KALRN: variants seen among roughly 807,000 people sequenced by gnomAD.
KALRN encodes kalirin RhoGEF kinase, also known as kalirin.
A neutral mutation model predicts 353.7 loss-of-function variants in KALRN; 70 were observed. That is an observed-to-expected ratio of 0.20 (90% confidence interval 0.16 to 0.24). The LOEUF (loss-of-function observed/expected upper bound fraction) is 0.24. Among genes scored for constraint, KALRN ranks in the 10% least tolerant of loss-of-function variants. The pLI is 1.00. For missense variants in KALRN, 2,791 were observed against 3,756.7 expected (o/e 0.74, Z 6.72); for synonymous variants, 1,391 against 1,434.8 (o/e 0.97, Z 0.69).
chr3:124,658,631 TG>T (rs1300604213), intron 42 of KALRN, 114 bp downstream of exon 42: 1 of 781,494 alleles, frequency 1.3e-6, no homozygotes, highest in Non-Finnish European at 2.3e-6. Context: ...ACAGCACCGT[TG>T]ACCCATTCAT....
chr3:124,087,386 A>G (rs1437711316), intron 1 of KALRN, among the ~76,000 whole-genome samples: 1 of 152,174 alleles, frequency 6.6e-6, no homozygotes, highest in Non-Finnish European at 1.5e-5. Context: ...CCATCTTCAG[A>G]ATTCTAAGAG....
intron 28 of KALRN, among the ~76,000 whole-genome samples, chr3:124,484,994 G>A (rs915852938): frequency 6.6e-6 from 1 of 152,116 alleles, no homozygotes; most frequent in Admixed American, 6.5e-5. Context: ...TACTCAGGAG[G>A]CTGAGGCATG....
At chr3:124,516,647 A>AAAC (rs1365310451) in intron 33 of KALRN, among the ~76,000 whole-genome samples, 28 of 151,872 alleles carry the variant, frequency 1.8e-4, no homozygotes, top group African/African-American at 6.3e-4. Flanking sequence ...AAAAAAAAAA[A>AAAC]AAAAAAAACC....
chr3:124,566,153 A>C (rs2072787808), intron 34 of KALRN, among the ~76,000 whole-genome samples: 1 of 152,146 alleles, frequency 6.6e-6, no homozygotes, highest in Admixed American at 6.5e-5. Context: ...AGGTCTTACT[A>C]TCTTCTCACC....
At chr3:124,596,989 A>C (rs947363816) in intron 34 of KALRN, among the ~76,000 whole-genome samples, 5 of 152,172 alleles carry the variant, frequency 3.3e-5, no homozygotes, top group Non-Finnish European at 5.9e-5. Flanking sequence ...CGGAGGTTGC[A>C]GTGAGCCAAG....
At chr3:124,477,553 G>C (rs2061545587) in intron 27 of KALRN, among the ~76,000 whole-genome samples, 4 of 152,138 alleles carry the variant, frequency 2.6e-5, no homozygotes, top group Non-Finnish European at 5.9e-5. Context: ...AGGCAAATTT[G>C]TCTCCATGCC....
intron 10 of KALRN, among the ~76,000 whole-genome samples, chr3:124,364,934 A>C (rs764100573): frequency 3.3e-5 from 5 of 152,156 alleles, no homozygotes. Context: ...TTCCTAGTAG[A>C]CTACTCTTTG....
chr3:124,433,843 G>A (rs945302317), intron 16 of KALRN, among the ~76,000 whole-genome samples: 3 of 152,154 alleles, frequency 2.0e-5, no homozygotes, highest in African/African-American at 4.8e-5. Context: ...TGATTGCATT[G>A]TTAGCTGAGA....
At chr3:124,389,054 C>A (rs1008331146) in intron 11 of KALRN, among the ~76,000 whole-genome samples, 6 of 152,158 alleles carry the variant, frequency 3.9e-5, no homozygotes, top group African/African-American at 1.4e-4. Flanking sequence ...AAAATCTGCT[C>A]AACTTTTGCT....
At chr3:124,555,811 T>C (rs908099076) in intron 33 of KALRN, among the ~76,000 whole-genome samples, 1 of 152,172 alleles carries the variant, frequency 6.6e-6, no homozygotes, top group African/African-American at 2.4e-5. Flanking sequence ...ACTCGGGAGA[T>C]AGGACCATGA....
intron 28 of KALRN, among the ~76,000 whole-genome samples, chr3:124,484,314 G>T (rs1178519795): frequency 6.6e-6 from 1 of 152,182 alleles, no homozygotes; most frequent in Non-Finnish European, 1.5e-5. Context: ...TGTCCTCTGA[G>T]TCAGAGTGGG....
intron 1 of KALRN, among the ~76,000 whole-genome samples, chr3:124,041,025 C>G (rs1323475447): frequency 1.3e-5 from 2 of 152,060 alleles, no homozygotes; most frequent in African/African-American, 4.8e-5. Flanking sequence ...AAATATTTAT[C>G]AAGTGTTTAC....
chr3:124,038,973 G>C (rs2039686112), intron 1 of KALRN, among the ~76,000 whole-genome samples: 1 of 152,228 alleles, frequency 6.6e-6, no homozygotes, highest in Non-Finnish European at 1.5e-5. Flanking sequence ...TGCCCCCATG[G>C]ACTCCTTTCC....
chr3:124,340,384 A>G (rs1403374179), intron 9 of KALRN, among the ~76,000 whole-genome samples: 2 of 151,908 alleles, frequency 1.3e-5, no homozygotes, highest in Non-Finnish European at 2.9e-5. Context: ...CTAGCTGGGT[A>G]TTGTGGTGTG....
At chr3:124,194,305 G>A (rs1235398701) in intron 1 of KALRN, among the ~76,000 whole-genome samples, 1 of 152,326 alleles carries the variant, frequency 6.6e-6, no homozygotes, top group South Asian at 2.1e-4. Flanking sequence ...TGAACCATGG[G>A]CAGGATTCTG....
intron 1 of KALRN, among the ~76,000 whole-genome samples, chr3:124,160,437 A>G (rs1475803568): frequency 1.3e-5 from 2 of 152,154 alleles, no homozygotes; most frequent in Non-Finnish European, 2.9e-5. Context: ...GGTGATGGGG[A>G]GTGTACTGTG....
chr3:124,642,001 G>A (rs1312806194), intron 37 of KALRN, among the ~76,000 whole-genome samples: 1 of 152,160 alleles, frequency 6.6e-6, no homozygotes, highest in Admixed American at 6.5e-5. Flanking sequence ...AAGCCCCTAG[G>A]CCAAGTGTGG....
In KALRN at chr3:124,347,583, C is replaced by T. The variant is rs75187817; in HGVS notation, c.1770+318C>T. 0.01 allele frequency among the ~76,000 whole-genome samples: 1,541 copies of T among 152,178 alleles called. 58 individuals are homozygous for T. In the East Asian group the frequency reaches 0.13, roughly 12 times the overall value. On this transcript the variant is annotated intron_variant, in intron 10 of 59. Transcript: ENST00000682506. ...ATGGTCTTTGAAAAAGATCTTCCTG[C>T]TGGTGTGATCTAAAAATGCCTTGTC...
intron 31 of KALRN, 164 bp downstream of exon 31, chr3:124,491,588 A>C: frequency 2.1e-6 from 1 of 466,676 alleles, no homozygotes; most frequent in Non-Finnish European, 3.8e-6. Flanking sequence ...TCTATCATGA[A>C]AGTAGACCCA....
Sources: gnomAD v4.1 joint callset for allele counts (sites outside exome capture counted in the v4.1 genomes callset) on GRCh38, gnomAD v4.1.1 for gene constraint, MANE v1.5 for transcripts, NCBI Gene and HGNC (gene_info 2026-07-23, HGNC 2026-07-21) for gene names.